FBXL19: variants seen among roughly 807,000 people sequenced by gnomAD.
FBXL19 encodes F-box and leucine rich repeat protein 19, also known as F-box/LRR-repeat protein 19.
FBXL19 carries 16 observed loss-of-function variants against 71.2 expected under a neutral mutation model. That is an observed-to-expected ratio of 0.22 (90% CI 0.15 to 0.34). The LOEUF is 0.34. Among genes scored for constraint, FBXL19 ranks in the 10% least tolerant of loss-of-function variants. The pLI, the probability that FBXL19 is intolerant of heterozygous loss-of-function variation, is 1.00. For missense variants in FBXL19, 658 were observed against 968.2 expected (o/e 0.68, Z 4.25); for synonymous variants, 447 against 409.4 (o/e 1.09, Z -1.11).
chr16:30,937,408 C>T (rs2055751234), intron 7 of FBXL19, among the ~76,000 whole-genome samples: 1 of 152,064 alleles, frequency 6.6e-6, no homozygotes, highest in African/African-American at 2.4e-5. Flanking sequence ...TGAGGTGACT[C>T]TTACCATGCC....
rs1437678727 is a variant in FBXL19 at position 30,923,573 on chromosome 16, A to G, written c.-911A>G. ...AGGAGGGAGGGGAGGGGAGGGGGGAAGAGAGGAGGAAGGAGGAAGGAGCTG... is the reference window on the plus strand; with the variant it reads ...AGGAGGGAGGGGAGGGGAGGGGGGAGGAGAGGAGGAAGGAGGAAGGAGCTG... On this transcript the variant is annotated 5_prime_UTR_variant, in exon 1 of 11. Transcript: ENST00000338343. Among the ~76,000 whole-genome samples the G allele has an allele frequency of 2.2e-5, 3 of 135,046 alleles. No homozygotes were observed. The highest frequency in any genetic ancestry group is 3.2e-5 in the Non-Finnish European group (2 of 61,984). The allele number at this position is 135,046 out of a possible 152,430, so 88.6% of individuals were successfully genotyped here.
At position 30,930,165 on chromosome 16, in the gene FBXL19, C is replaced by T; in HGVS notation, c.882C>T (p.Cys294=). The change falls in exon 7 of 11, where the codon TGC becomes TGT. Residue 294 remains cysteine (C), a synonymous_variant. Coordinates refer to ENST00000338343, the MANE Select transcript of FBXL19 (RefSeq NM_001382779.1). This position sits in a 1 kb window ranked among gnomAD's most constrained non-coding sequence, Gnocchi z 8.5. ...REKLERFKRM[C]QLLERVPDTS... ...AGCTAGAGCGTTTCAAGCGGATGTG[C>T]CAGCTGCTGGAACGGGTGCCTGACA... 1 of 1,613,416 alleles carries T rather than the reference C, an allele frequency of 6.2e-7. No homozygotes were observed. The highest frequency in any genetic ancestry group is 1.1e-5 in the South Asian group (1 of 91,090).
intron 1 of FBXL19, 92 bp downstream of exon 1, chr16:30,924,551 C>G: frequency 7.6e-7 from 1 of 1,308,788 alleles, no homozygotes; most frequent in Non-Finnish European, 9.7e-7. Flanking sequence ...TTCCCCGCCC[C>G]CAGCCTCACC....
At chr16:30,927,163 C>T (rs1321955931) in intron 2 of FBXL19, 145 bp from the exon 3 acceptor site, 3 of 782,852 alleles carry the variant, frequency 3.8e-6, no homozygotes, top group Non-Finnish European at 5.9e-6. Context: ...AGGTCACACT[C>T]CCAAAAGGAG....
chr16:30,945,347 A>G (rs1039968743), intron 9 of FBXL19, among the ~76,000 whole-genome samples: 5 of 152,030 alleles, frequency 3.3e-5, no homozygotes, highest in Non-Finnish European at 7.4e-5. Context: ...CATCCACAAA[A>G]CTGGAGAACT....
intron 9 of FBXL19, among the ~76,000 whole-genome samples, chr16:30,944,949 G>A (rs1434538636): frequency 1.3e-5 from 2 of 152,192 alleles, no homozygotes; most frequent in Non-Finnish European, 2.9e-5. Context: ...ATTAGGGAGT[G>A]GCACCTAGCC....
Position 30,947,465 on chromosome 16 carries a change from T to C in FBXL19, c.*235T>C. On this transcript the variant is annotated 3_prime_UTR_variant, in exon 11 of 11. Coordinates refer to ENST00000338343, the MANE Select transcript of FBXL19 (RefSeq NM_001382779.1). ...CCCCTGCTACCTGCTTCATTGTCCATCCCCTGGGGGAGTGGGTCAGAGGTA... is the reference window on the plus strand; with the variant it reads ...CCCCTGCTACCTGCTTCATTGTCCACCCCCTGGGGGAGTGGGTCAGAGGTA... 1.9e-6 allele frequency: 1 copy of C among 520,514 alleles called. No homozygotes were observed. The highest frequency in any genetic ancestry group is 2.2e-5 in the South Asian group (1 of 44,670). The allele number at this position is 520,514 out of a possible 1,614,324, so 32.2% of individuals were successfully genotyped here. A position where few individuals can be genotyped will look rare whatever the true frequency, so the allele number is the denominator to read the frequency against.
Position 30,927,409 on chromosome 16 carries a change from G to C in FBXL19, c.279G>C (p.Glu93Asp). 6.3e-7 allele frequency: 1 copy of C among 1,594,316 alleles called. No individual in the cohort carries two copies. ...AGAAATTTGGTTTGAGCCTCATGGAGTGTACAATCTGCAACGAGATCGTCC... is the reference window on the plus strand; with the variant it reads ...AGAAATTTGGTTTGAGCCTCATGGACTGTACAATCTGCAACGAGATCGTCC... ...EEEKFGLSLMECTICNEIVHP... is the reference protein window; with the variant it reads ...EEEKFGLSLMDCTICNEIVHP... Residue 93 changes from glutamate to aspartate, a missense_variant, in exon 3 of 11, where the codon GAG becomes GAC. Physicochemically the swap from Glu to Asp is conservative, Grantham distance 45. Coordinates refer to ENST00000338343, the MANE Select transcript of FBXL19 (RefSeq NM_001382779.1).
intron 9 of FBXL19, among the ~76,000 whole-genome samples, chr16:30,944,588 C>T (rs1312885106): frequency 1.3e-5 from 2 of 152,066 alleles, no homozygotes; most frequent in Non-Finnish European, 2.9e-5. Flanking sequence ...TTCATTCTTT[C>T]ATTGATGGGC....
chr16:30,934,454 T>C (rs1159864235), intron 7 of FBXL19, among the ~76,000 whole-genome samples: 1 of 151,850 alleles, frequency 6.6e-6, no homozygotes, highest in African/African-American at 2.4e-5. Flanking sequence ...GGTCAGGAGT[T>C]TGAGACCAGC....
In FBXL19 at chr16:30,925,503, G is replaced by A. The variant is rs1304050187; in HGVS notation, c.-24-228G>A. On this transcript the variant is annotated intron_variant, in intron 1 of 10. Transcript: ENST00000338343. This position sits in a 1 kb window ranked among gnomAD's most constrained non-coding sequence, Gnocchi z 5.0. Reference sequence around the variant, plus strand: ...GCTAGGGAAGGGACCCTGAGGAGGCGGTAGAGGAGCGAGGCCAGGAAGCAG... The same window carrying A: ...GCTAGGGAAGGGACCCTGAGGAGGCAGTAGAGGAGCGAGGCCAGGAAGCAG... The A allele has an allele frequency of 3.0e-5, 13 of 435,208 alleles. No homozygotes were observed. Among genetic ancestry groups the A allele is most frequent in the South Asian group, 2.0e-4 (4 of 19,776 alleles). The allele number at this position is 435,208 out of a possible 1,614,324, so 27.0% of individuals were successfully genotyped here. A position where few individuals can be genotyped will look rare whatever the true frequency, so the allele number is the denominator to read the frequency against.
At position 30,930,279 on chromosome 16, in the gene FBXL19, T is replaced by C. The variant is rs754320536; in HGVS notation, c.996T>C (p.Asn332=). ...ACGAAGCCCCCGGCGAGGCCCGGAA[T>C]GGGCGACGGCCAGCCCGGGGCAGCT... is the stretch of plus-strand genomic sequence containing the variant. ...SEDEAPGEAR[N]GRRPARGSSG... The change falls in exon 7 of 11, where the codon AAT becomes AAC. Residue 332 remains asparagine, a synonymous_variant. Coordinates refer to ENST00000338343, the MANE Select transcript of FBXL19 (RefSeq NM_001382779.1). This position sits in a 1 kb window ranked among gnomAD's most constrained non-coding sequence, Gnocchi z 8.5. 1.9e-6 allele frequency: 3 copies of C among 1,612,520 alleles called. No homozygotes were observed. In the South Asian group the frequency reaches 3.3e-5, roughly 18 times the overall value.
At chr16:30,923,131 G>T, upstream of FBXL19, 1 of 456,742 alleles carries the variant, frequency 2.2e-6, no homozygotes, top group Non-Finnish European at 4.4e-6. Flanking sequence ...GAAGGCAGCA[G>T]ATGGACTGCG....
upstream of FBXL19, among the ~76,000 whole-genome samples, chr16:30,923,430 C>T (rs2055547946): frequency 6.6e-6 from 1 of 151,634 alleles, no homozygotes; most frequent in Admixed American, 6.6e-5. Flanking sequence ...TCCCGTCGAG[C>T]CCTGCGTGCG....
Position 30,942,442 on chromosome 16 carries a change from G to A in FBXL19, c.1533G>A (p.Leu511=), listed in dbSNP as rs1468168911. The change falls in exon 9 of 11, where the codon CTG becomes CTA. Residue 511 remains leucine (L), a synonymous_variant. Coordinates refer to ENST00000338343, the MANE Select transcript of FBXL19 (RefSeq NM_001382779.1). The surrounding 1 kb of genome is among the most constrained non-coding windows in gnomAD (Gnocchi z 5.7). ...TCTCTGCCCTGGGCTCAGCCCCACT[G>A]CCAGCCCTGCGGCTCCTGGACCTCC... is the stretch of plus-strand genomic sequence containing the variant. The part of the protein sequence containing the change: ...LSVSALGSAP[L]PALRLLDLRW... The A allele has an allele frequency of 6.2e-7, 1 of 1,607,246 alleles. No homozygotes were observed. The highest frequency in any genetic ancestry group is 8.5e-7 in the Non-Finnish European group (1 of 1,177,242).
In FBXL19 at chr16:30,925,818, T is replaced by C; in HGVS notation, c.64T>C (p.Cys22Arg). 6.7e-7 allele frequency: 1 copy of C among 1,501,732 alleles called. No homozygotes were observed. The highest frequency in any genetic ancestry group is 8.9e-7 in the Non-Finnish European group (1 of 1,128,134). The allele number at this position is 1,501,732 out of a possible 1,614,324, so 93.0% of individuals were successfully genotyped here. Residue 22 changes from cysteine to arginine, a missense_variant, in exon 2 of 11, where the codon TGC becomes CGC. This residue lies in a region of FBXL19 where 33 missense variants were observed against 75.4 expected (regional missense o/e 0.44). Transcript: ENST00000338343. This position sits in a 1 kb window ranked among gnomAD's most constrained non-coding sequence, Gnocchi z 5.0. ...ARRRRTRCRR[C>R]RACVRTECGD... Reference sequence around the variant, plus strand: ...CCGACGCCGAACCCGCTGCCGCCGCTGCCGGGCCTGTGTGCGAACTGAGTG... The same window carrying C: ...CCGACGCCGAACCCGCTGCCGCCGCCGCCGGGCCTGTGTGCGAACTGAGTG...
chr16:30,928,434 CCCTT>C lies in FBXL19; in HGVS notation c.628-29_628-26del, dbSNP rs760344418. On this transcript the variant is annotated intron_variant, in intron 5 of 10. Coordinates refer to ENST00000338343, the MANE Select transcript of FBXL19 (RefSeq NM_001382779.1). ...CCCATGAGGGCCTAATGGGGTCTCTCCCTTCCTCCATATCTCCCTCTCACCCTGG... is the reference window on the plus strand; with the variant it reads ...CCCATGAGGGCCTAATGGGGTCTCTCCCTCCATATCTCCCTCTCACCCTGG... 8.5e-6 allele frequency: 13 copies of C among 1,525,182 alleles called. No homozygotes were observed. In the East Asian group the frequency reaches 2.9e-4, roughly 34 times the overall value. 94.5% of individuals were successfully genotyped at this position (1,525,182 alleles called of 1,614,324 possible).
chr16:30,924,518 C>T (rs2055566137), intron 1 of FBXL19, 59 bp downstream of exon 1: 2 of 973,578 alleles, frequency 2.1e-6, no homozygotes, highest in Admixed American at 4.3e-5. Flanking sequence ...TCCCATTCAT[C>T]CTCAGCCCGG....
chr16:30,925,891 G>A lies in FBXL19; in HGVS notation c.137G>A (p.Gly46Glu). Residue 46 changes from glycine to glutamate, a missense_variant, in exon 2 of 11, where the codon GGG becomes GAG. By Grantham distance (98) the Gly-to-Glu change is moderately conservative (BLOSUM62 -2). Around this residue, in one of 8 missense-constraint regions of FBXL19, gnomAD observed 33 missense variants for 75.4 expected, o/e 0.44. Coordinates refer to ENST00000338343, the MANE Select transcript of FBXL19 (RefSeq NM_001382779.1). The surrounding 1 kb of genome is among the most constrained non-coding windows in gnomAD (Gnocchi z 5.0). ...GACATGAAGAAGTTCGGGGGGCCCG[G>A]GCGCATGAAGCAGTCGTGCCTGCTC... ...CRDMKKFGGP[G>E]RMKQSCLLRQ... 1 of 1,502,980 alleles carries A rather than the reference G, an allele frequency of 6.7e-7. No individual in the cohort carries two copies. Among genetic ancestry groups the A allele is most frequent in the Non-Finnish European group, 8.8e-7 (1 of 1,130,754 alleles). The allele number at this position is 1,502,980 out of a possible 1,614,324, so 93.1% of individuals were successfully genotyped here.
Sources: allele counts gnomAD v4.1 joint callset (sites outside exome capture counted in the v4.1 genomes callset), GRCh38; gene constraint gnomAD v4.1.1; regional missense constraint gnomAD v4.1.1; non-coding constraint Gnocchi (gnomAD v3.1); transcripts MANE v1.5; gene names NCBI Gene and HGNC (gene_info 2026-07-23, HGNC 2026-07-21).